Variants in SATB1 observed in about 807,000 individuals in gnomAD.
The protein encoded by SATB1 is SATB homeobox 1.
A neutral mutation model predicts 86.9 loss-of-function variants in SATB1; 11 were observed. That is an observed-to-expected ratio of 0.13 (90% CI 0.08 to 0.21). The LOEUF is 0.21. Ranked by LOEUF, SATB1 falls within the 10% of genes least tolerant of loss-of-function variation. SATB1 has a pLI of 1.00. For synonymous variants in SATB1, 357 were observed against 357.2 expected (o/e 1.00, Z 0.01); for missense variants, 551 against 937.6 (o/e 0.59, Z 5.39).
intron 7 of SATB1, among the ~76,000 whole-genome samples, chr3:18,387,425 T>C (rs763666969): frequency 1.3e-5 from 2 of 152,166 alleles, no homozygotes; most frequent in Non-Finnish European, 2.9e-5. Flanking sequence ...AAATTGTTAG[T>C]GATAGAAGAA....
rs745610129 is a variant in SATB1 at position 18,349,390 on chromosome 3, T to C, written c.2072A>G (p.Lys691Arg). ...ATAGTACCGCTGGTTCTGAAAGAAC[T>C]TGATGATGGTGTACTTGGGAAGGTC... ...QLDLPKYTIIKFFQNQRYYLK... is the reference protein window; with the variant it reads ...QLDLPKYTIIRFFQNQRYYLK... The change falls in exon 11 of 11, where the codon AAG (lysine) becomes AGG (arginine). Residue 691 changes from lysine (K) to arginine (R), a missense_variant. Physicochemically the swap from Lys to Arg is conservative, Grantham distance 26 (BLOSUM62 2). Around this residue, in one of 8 missense-constraint regions of SATB1, gnomAD observed 33 missense variants for 85.4 expected, o/e 0.39. Transcript: ENST00000338745. This position sits in a 1 kb window ranked among gnomAD's most constrained non-coding sequence, Gnocchi z 5.5. The C allele has an allele frequency of 6.2e-7, 1 of 1,614,078 alleles. No individual in the cohort carries two copies. Among genetic ancestry groups the C allele is most frequent in the African/African-American group, 1.3e-5 (1 of 74,918 alleles).
intron 9 of SATB1, among the ~76,000 whole-genome samples, chr3:18,373,176 C>T (rs1348197624): frequency 1.3e-5 from 2 of 152,160 alleles, no homozygotes; most frequent in South Asian, 2.1e-4. Context: ...AAGAAGGCTT[C>T]GTTTGCCCAA....
intron 9 of SATB1, among the ~76,000 whole-genome samples, chr3:18,370,052 C>T (rs1695388663): frequency 6.6e-6 from 1 of 152,158 alleles, no homozygotes; most frequent in South Asian, 2.1e-4. Context: ...TTCCCTCAGT[C>T]TAATAATACA....
intron 2 of SATB1, among the ~76,000 whole-genome samples, chr3:18,433,862 C>A (rs890848994): frequency 6.6e-6 from 1 of 151,854 alleles, no homozygotes; most frequent in African/African-American, 2.4e-5. Context: ...TTTGAGCCAA[C>A]ATGAAGGAAA....
intron 7 of SATB1, among the ~76,000 whole-genome samples, chr3:18,388,267 C>T (rs542185846): frequency 5.3e-5 from 8 of 152,088 alleles, no homozygotes; most frequent in African/African-American, 1.9e-4. Context: ...CACAAGGCCA[C>T]CTAATTAGTT....
upstream of SATB1, among the ~76,000 whole-genome samples, chr3:18,425,710 G>A (rs996611345): frequency 6.6e-6 from 1 of 151,960 alleles, no homozygotes; most frequent in Non-Finnish European, 1.5e-5. Context: ...GACGCGCCAG[G>A]GAGGGCGCAG....
At chr3:18,411,756 C>T (rs1697853380) in intron 5 of SATB1, among the ~76,000 whole-genome samples, 2 of 151,692 alleles carry the variant, frequency 1.3e-5, no homozygotes, top group South Asian at 4.2e-4. Context: ...CTAAGTGTTT[C>T]TTATGTCTTA....
At chr3:18,374,147 G>T (rs1490995624) in intron 9 of SATB1, among the ~76,000 whole-genome samples, 1 of 152,092 alleles carries the variant, frequency 6.6e-6, no homozygotes, top group Non-Finnish European at 1.5e-5. Flanking sequence ...AGTATACAAG[G>T]CAAGGCCTAC....
At chr3:18,384,447 T>A (rs1309093658) in intron 8 of SATB1, among the ~76,000 whole-genome samples, 1 of 106,044 alleles carries the variant, frequency 9.4e-6, no homozygotes, top group Non-Finnish European at 1.9e-5. Context: ...AAGTCAAATA[T>A]CTGGCTAGAT....
intron 5 of SATB1, among the ~76,000 whole-genome samples, chr3:18,412,271 A>G (rs1378261712): frequency 6.6e-6 from 1 of 152,088 alleles, no homozygotes; most frequent in Non-Finnish European, 1.5e-5. Flanking sequence ...TAAGAATCCA[A>G]GTCCAAATGG....
In SATB1 at chr3:18,416,077, G is replaced by A; in HGVS notation, c.445C>T (p.Pro149Ser). 1 of 1,610,700 alleles carries A rather than the reference G, an allele frequency of 6.2e-7. No individual in the cohort carries two copies. The highest frequency in any genetic ancestry group is 8.5e-7 in the Non-Finnish European group (1 of 1,177,812). ...AGCATATCTGCTACTGTAGCATCAG[G>A]GGCATCTGTCACGTAAGACAGTGGA... is the stretch of plus-strand genomic sequence containing the variant. ...PVPLSYVTDAPDATVADMLQD... is the reference protein window; with the variant it reads ...PVPLSYVTDASDATVADMLQD... Residue 149 changes from proline to serine, a missense_variant, in exon 4 of 11, where the codon CCT becomes TCT. By Grantham distance (74) the Pro-to-Ser change is moderately conservative. Coordinates refer to ENST00000338745, the MANE Select transcript of SATB1 (RefSeq NM_002971.6).
chr3:18,444,210 T>A lies in SATB1; in HGVS notation c.-25+1308A>T, dbSNP rs1313783500. Among the ~76,000 whole-genome samples, 1 of 151,902 alleles carries A rather than the reference T, an allele frequency of 6.6e-6. No homozygotes were observed. Among genetic ancestry groups the A allele is most frequent in the Non-Finnish European group, 1.5e-5 (1 of 67,956 alleles). ...TCCAGAACGCACCGAGAGGCTCCCC[T>A]TTTCCCCATTTGCTTCCTTCGGTCT... On this transcript the variant is annotated intron_variant, in intron 1 of 3. Transcript: ENST00000415069. This position sits in a 1 kb window ranked among gnomAD's most constrained non-coding sequence, Gnocchi z 5.1.
intron 2 of SATB1, among the ~76,000 whole-genome samples, chr3:18,433,523 T>A (rs1402294069): frequency 1.3e-5 from 2 of 152,104 alleles, no homozygotes; most frequent in East Asian, 3.8e-4. Context: ...AGTTTTCATA[T>A]CATCTATTCC....
At chr3:18,389,673 G>A (rs779701470) in intron 7 of SATB1, among the ~76,000 whole-genome samples, 53 of 152,044 alleles carry the variant, frequency 3.5e-4, no homozygotes, top group Non-Finnish European at 7.2e-4. Context: ...CCTTATTTAT[G>A]TCATAGAATA....
rs146273124 is a variant in SATB1, at chr3:18,394,346, T to G, written c.1206+116A>C. 1.3e-5 allele frequency: 11 copies of G among 858,532 alleles called. No individual in the cohort carries two copies. The highest frequency in any genetic ancestry group is 2.0e-5 in the Non-Finnish European group (11 of 540,044). 53.2% of individuals were successfully genotyped at this position (858,532 alleles called of 1,614,324 possible). A position where few individuals can be genotyped will look rare whatever the true frequency, so the allele number is the denominator to read the frequency against. On this transcript the variant is annotated intron_variant, in intron 7 of 10. Coordinates refer to ENST00000338745, the MANE Select transcript of SATB1 (RefSeq NM_002971.6). This position sits in a 1 kb window ranked among gnomAD's most constrained non-coding sequence, Gnocchi z 5.9. ...ACCAGGAATAGGTAATATGATCACATGAAGAGAGAGAGAAAATGTTAGTAC... is the reference window on the plus strand; with the variant it reads ...ACCAGGAATAGGTAATATGATCACAGGAAGAGAGAGAGAAAATGTTAGTAC...
intron 9 of SATB1, among the ~76,000 whole-genome samples, chr3:18,371,387 G>GAT (rs1373005808): frequency 2.0e-5 from 3 of 151,952 alleles, no homozygotes; most frequent in African/African-American, 4.8e-5. Flanking sequence ...CTAAAATATA[G>GAT]ATATATATAT....
At position 18,352,487 on chromosome 3, in the gene SATB1, G is replaced by A. The variant is rs1416162796; in HGVS notation, c.1576-292C>T. On this transcript the variant is annotated intron_variant, in intron 9 of 10. Coordinates refer to ENST00000338745, the MANE Select transcript of SATB1 (RefSeq NM_002971.6). The surrounding 1 kb of genome is among the most constrained non-coding windows in gnomAD (Gnocchi z 4.1). ...ACAGATTTTTTAATATATGAAATAG[G>A]AGAAAAACAAAGTTGATGTGCTTCA... 3 of 322,298 alleles carry A rather than the reference G, an allele frequency of 9.3e-6. No individual in the cohort carries two copies. The highest frequency in any genetic ancestry group is 1.2e-4 in the East Asian group (2 of 16,800). 20.0% of individuals were successfully genotyped at this position (322,298 alleles called of 1,614,324 possible).
chr3:18,402,645 A>G (rs1041590895), intron 5 of SATB1, among the ~76,000 whole-genome samples: 4 of 152,146 alleles, frequency 2.6e-5, no homozygotes, highest in African/African-American at 9.7e-5. Flanking sequence ...GGAAGCCAGC[A>G]GCTTCCTAGT....
rs369527233 is a variant in SATB1, at chr3:18,373,249, C to T, written c.1575+4921G>A. ...AGACCGCTACAAAAGGATGTAGCAC[C>T]GGAAATAACAGAAACCATGATTCTC... On this transcript the variant is annotated intron_variant, in intron 9 of 10. Coordinates refer to ENST00000338745, the MANE Select transcript of SATB1 (RefSeq NM_002971.6). Among the ~76,000 whole-genome samples the T allele has an allele frequency of 1.8e-4, 27 of 152,238 alleles. No individual in the cohort carries two copies. The South Asian group carries it at 2.7e-3, about 15-fold the overall frequency.
Sources: gnomAD v4.1 joint callset for allele counts (sites outside exome capture counted in the v4.1 genomes callset) on GRCh38, gnomAD v4.1.1 for gene constraint, gnomAD v4.1.1 regional missense constraint, Gnocchi (gnomAD v3.1) non-coding constraint, MANE v1.5 for transcripts, NCBI Gene and HGNC (gene_info 2026-07-23, HGNC 2026-07-21) for gene names.